The following IMMT variants were observed in gnomAD, a reference collection of about 807,000 sequenced individuals.
IMMT encodes MICOS complex subunit MIC60.
In IMMT, 40 loss-of-function variants were observed where a neutral mutation model predicts 92.7. That is an observed-to-expected ratio of 0.43 (90% CI 0.34 to 0.56). IMMT has a LOEUF of 0.56. Ranked by LOEUF, IMMT falls within the 20% of genes least tolerant of loss-of-function variation. The probability of loss-of-function intolerance (pLI) is 0.03; values close to 1 mark genes in which losing one functional copy is unlikely to be tolerated. For synonymous variants in IMMT, 322 were observed against 336.1 expected (o/e 0.96, Z 0.46); for missense variants, 831 against 912.1 (o/e 0.91, Z 1.14).
rs1194471801 is a variant in IMMT, at chr2:86,166,608, G to A, written c.692C>T (p.Thr231Ile). ...AATAGCCTGCAGAGTGACACTTGCA[G>A]TTTGCCTCAGAGCATCTTCTAAGCT... ...AKSLEDALRQTASVTLQAIAA... is the reference protein window; with the variant it reads ...AKSLEDALRQIASVTLQAIAA... Residue 231 changes from threonine (T) to isoleucine (I), a missense_variant, in exon 7 of 15, where the codon ACT (threonine) becomes ATT (isoleucine). Transcript: ENST00000410111. 1.2e-6 allele frequency: 2 copies of A among 1,612,836 alleles called. No individual in the cohort carries two copies. The highest frequency in any genetic ancestry group is 1.7e-6 in the Non-Finnish European group (2 of 1,179,506).
Position 86,152,172 on chromosome 2 carries a change from G to A in IMMT, c.1178-652C>T, listed in dbSNP as rs576942312. ...AATTATGGCTCCAGCCAGGCACAGT[G>A]GCTCACACCTGTAATCCCAGCACTT... On this transcript the variant is annotated intron_variant, in intron 11 of 14. Transcript: ENST00000410111. Among the ~76,000 whole-genome samples the A allele has an allele frequency of 2.0e-5, 3 of 152,060 alleles. No individual in the cohort carries two copies. In the East Asian group the frequency reaches 5.8e-4, roughly 30 times the overall value.
At chr2:86,174,463 C>A (rs927100319) in intron 3 of IMMT, among the ~76,000 whole-genome samples, 1 of 152,164 alleles carries the variant, frequency 6.6e-6, no homozygotes, top group Non-Finnish European at 1.5e-5. Context: ...CTACCAGAAA[C>A]CAGAATTATT....
At chr2:86,193,498 C>T (rs777812474) in intron 1 of IMMT, among the ~76,000 whole-genome samples, 3 of 151,696 alleles carry the variant, frequency 2.0e-5, no homozygotes, top group Admixed American at 6.6e-5. Flanking sequence ...TCAAATACGA[C>T]GAGGCTAGAG....
At chr2:86,182,553 G>C (rs920973130) in intron 1 of IMMT, among the ~76,000 whole-genome samples, 1 of 152,194 alleles carries the variant, frequency 6.6e-6, no homozygotes, top group Non-Finnish European at 1.5e-5. Context: ...TTCAATTATT[G>C]ACATGGTGGC....
intron 1 of IMMT, among the ~76,000 whole-genome samples, chr2:86,191,520 A>G (rs1247295331): frequency 6.6e-6 from 1 of 152,062 alleles, no homozygotes; most frequent in Admixed American, 6.6e-5. Flanking sequence ...TGCAACTGCA[A>G]TATTGGCTGT....
intron 1 of IMMT, among the ~76,000 whole-genome samples, chr2:86,194,718 A>T (rs1452582592): frequency 6.6e-6 from 1 of 152,176 alleles, no homozygotes; most frequent in Non-Finnish European, 1.5e-5. Flanking sequence ...TCCCTGCCCT[A>T]ATCTCAGAAA....
Position 86,151,298 on chromosome 2 carries a change from T to C in IMMT, c.1400A>G (p.Lys467Arg), listed in dbSNP as rs751937232. The C allele has an allele frequency of 3.1e-6, 5 of 1,608,056 alleles. No homozygotes were observed. The South Asian group carries it at 5.5e-5, about 18-fold the overall frequency. The change falls in exon 12 of 15, where the codon AAG (lysine) becomes AGG (arginine). Residue 467 changes from lysine to arginine, a missense_variant and splice_region_variant. Coordinates refer to ENST00000410111, the MANE Select transcript of IMMT (RefSeq NM_006839.3). ...RSEIQAEQDR[K>R]IEEVRDAMEN... The stretch of plus-strand genomic sequence containing the variant: ...GGCAACAATTCTCATTTCTCTTACC[T>C]TTCTGTCCTGTTCAGCCTGTATTTC...
chr2:86,189,842 A>T (rs1449299046), intron 1 of IMMT, among the ~76,000 whole-genome samples: 2 of 152,240 alleles, frequency 1.3e-5, no homozygotes, highest in African/African-American at 4.8e-5. Context: ...TAAAAAGTAT[A>T]TCCCACAAAA....
In IMMT at chr2:86,144,696, G is replaced by C; in HGVS notation, c.1849C>G (p.Pro617Ala). The stretch of plus-strand genomic sequence containing the variant: ...ACCCCACGGGTCAGGGACTCTGGAG[G>C]GATAGCTGCGGTTAAAGCTTGGGTG... ...EFTQALTAAIPPESLTRGVYS... is the reference protein window; with the variant it reads ...EFTQALTAAIAPESLTRGVYS... Residue 617 changes from proline to alanine, a missense_variant, in exon 15 of 15, where the codon CCT becomes GCT. By Grantham distance (27) the Pro-to-Ala change is conservative. Transcript: ENST00000410111. The C allele has an allele frequency of 6.2e-7, 1 of 1,613,976 alleles. No homozygotes were observed. The highest frequency in any genetic ancestry group is 8.5e-7 in the Non-Finnish European group (1 of 1,179,896).
At position 86,154,889 on chromosome 2, in the gene IMMT, G is replaced by A. The variant is rs535602696; in HGVS notation, c.1163-1315C>T. Among the ~76,000 whole-genome samples, 37 of 151,650 alleles carry A rather than the reference G, an allele frequency of 2.4e-4. No homozygotes were observed. In the East Asian group the frequency reaches 2.5e-3, roughly 10 times the overall value. On this transcript the variant is annotated intron_variant, in intron 10 of 14. Transcript: ENST00000410111. ...TGAACGTCCTTTTTTTTTTTGAGAC[G>A]GAGTCTCCCGTTGCCCAGGCTGGAG...
At chr2:86,165,849 C>G (rs1257407756) in intron 7 of IMMT, among the ~76,000 whole-genome samples, 1 of 152,126 alleles carries the variant, frequency 6.6e-6, no homozygotes, top group Non-Finnish European at 1.5e-5. Flanking sequence ...TGAGAAGTAT[C>G]TTAAAAAGTT....
intron 7 of IMMT, among the ~76,000 whole-genome samples, chr2:86,162,712 C>T (rs1558822362): frequency 1.3e-5 from 2 of 152,032 alleles, no homozygotes; most frequent in African/African-American, 2.4e-5. Flanking sequence ...GGCGTGGTGG[C>T]GGGTGCCTGT....
chr2:86,193,803 G>A (rs866731367), intron 1 of IMMT, among the ~76,000 whole-genome samples: 2 of 152,132 alleles, frequency 1.3e-5, no homozygotes. Context: ...TTGATTCAGA[G>A]CTATAAAAGG....
At chr2:86,171,839 T>C (rs911514385) in intron 4 of IMMT, among the ~76,000 whole-genome samples, 1 of 138,406 alleles carries the variant, frequency 7.2e-6, no homozygotes, top group Admixed American at 7.5e-5. Context: ...CAGAACTGAG[T>C]TAAAATACAT....
intron 14 of IMMT, 73 bp from the exon 15 acceptor site, chr2:86,144,954 CATT>C: frequency 6.7e-7 from 1 of 1,486,584 alleles, no homozygotes; most frequent in South Asian, 1.3e-5. Context: ...AACTGATGCA[CATT>C]CAACAAGCTA....
At position 86,191,747 on chromosome 2, in the gene IMMT, C is replaced by CAA. The variant is rs572412565; in HGVS notation, c.45+3589_45+3590dup. Among the ~76,000 whole-genome samples the CAA allele has an allele frequency of 5.1e-3, 600 of 116,820 alleles. 3 individuals carry two copies. Among genetic ancestry groups the CAA allele is most frequent in the East Asian group, 0.013 (46 of 3,616 alleles). The allele number at this position is 116,820 out of a possible 152,430, so 76.6% of individuals were successfully genotyped here. On this transcript the variant is annotated intron_variant, in intron 1 of 14. Coordinates refer to ENST00000410111, the MANE Select transcript of IMMT (RefSeq NM_006839.3). Reference sequence around the variant, plus strand: ...TGAAACCCCGTCTCTACTAAAAATACAAAAAAAAAAAAAAAAAAAAAATTA... The same window carrying CAA: ...TGAAACCCCGTCTCTACTAAAAATACAAAAAAAAAAAAAAAAAAAAAAAATTA...
intron 4 of IMMT, among the ~76,000 whole-genome samples, chr2:86,172,969 G>A (rs6749439): frequency 9.9e-5 from 15 of 151,650 alleles, no homozygotes; most frequent in African/African-American, 3.4e-4. Context: ...TTTCCTCTCC[G>A]CACCCAATCA....
chr2:86,178,677 T>C (rs1454367827), intron 3 of IMMT, among the ~76,000 whole-genome samples: 3 of 152,042 alleles, frequency 2.0e-5, no homozygotes, highest in Non-Finnish European at 2.9e-5. Context: ...TTGCACTGCA[T>C]ACAGACAAAA....
intron 3 of IMMT, among the ~76,000 whole-genome samples, chr2:86,178,545 G>T (rs1012129150): frequency 1.8e-4 from 27 of 151,760 alleles, no homozygotes; most frequent in African/African-American, 6.5e-4. Context: ...AGAATCGCTT[G>T]AACCCAGGAG....
Sources: allele counts gnomAD v4.1 joint callset (sites outside exome capture counted in the v4.1 genomes callset), GRCh38; gene constraint gnomAD v4.1.1; transcripts MANE v1.5; gene names NCBI Gene and HGNC (gene_info 2026-07-23, HGNC 2026-07-21).